The following CUL3 variants were observed in gnomAD, a reference collection of about 807,000 sequenced individuals.
CUL3 encodes cullin 3, also known as cullin-3.
CUL3 carries 19 observed loss-of-function variants against 89.1 expected under a neutral mutation model. That is an observed-to-expected ratio of 0.21 (90% CI 0.15 to 0.31). The LOEUF is 0.31. Among genes scored for constraint, CUL3 ranks in the 10% least tolerant of loss-of-function variants. The pLI is 1.00. For synonymous variants in CUL3, 351 were observed against 308.4 expected, an observed-to-expected ratio of 1.14 and a Z score of -1.45; for missense variants, 469 against 942.3, an observed-to-expected ratio of 0.50 and a Z score of 6.58.
intron 1 of CUL3, among the ~76,000 whole-genome samples, chr2:224,582,875 G>T (rs1695474659): frequency 6.6e-6 from 1 of 152,172 alleles, no homozygotes; most frequent in African/African-American, 2.4e-5. Flanking sequence ...CAAATTAAAT[G>T]ATGGCAAAAC....
rs971340704 is a variant in CUL3, at chr2:224,471,528, A to C, written c.*2717T>G. The C allele has an allele frequency of 3.1e-5, 6 of 194,858 alleles. No individual in the cohort carries two copies. The highest frequency in any genetic ancestry group is 5.3e-5 in the Non-Finnish European group (5 of 93,672). The allele number at this position is 194,858 out of a possible 1,614,324, so 12.1% of individuals were successfully genotyped here. A position where few individuals can be genotyped will look rare whatever the true frequency, so the allele number is the denominator to read the frequency against. On this transcript the variant is annotated 3_prime_UTR_variant, in exon 16 of 16. Transcript: ENST00000264414. ...TCAACAGTGCTTCACTATGAGAAGGATTCTTACAGAGAAGGCCTATCATCA... is the reference window on the plus strand; with the variant it reads ...TCAACAGTGCTTCACTATGAGAAGGCTTCTTACAGAGAAGGCCTATCATCA...
chr2:224,534,378 T>C (rs1379107636), intron 3 of CUL3, among the ~76,000 whole-genome samples: 1 of 152,188 alleles, frequency 6.6e-6, no homozygotes, highest in Non-Finnish European at 1.5e-5. Flanking sequence ...CTAGCTGCAA[T>C]ATTGCACTGC....
At chr2:224,523,454 G>A (rs533995251) in intron 3 of CUL3, among the ~76,000 whole-genome samples, 8 of 150,918 alleles carry the variant, frequency 5.3e-5, no homozygotes, top group Admixed American at 2.0e-4. Context: ...TAGAGCTCTC[G>A]TGCACTGTTG....
rs565200989 is a variant in CUL3 at position 224,564,130 on chromosome 2, A to T, written c.67-6274T>A. Among the ~76,000 whole-genome samples, 15 of 152,268 alleles carry T rather than the reference A, an allele frequency of 9.9e-5. No homozygotes were observed. In the East Asian group the frequency reaches 1.9e-3, roughly 20 times the overall value. On this transcript the variant is annotated intron_variant, in intron 1 of 15. Coordinates refer to ENST00000264414, the MANE Select transcript of CUL3 (RefSeq NM_003590.5). ...ATGAAACTCCATCTCTACTAAAAATATAAAAATTAGATGAGTGCAGTGGCA... is the reference window on the plus strand; with the variant it reads ...ATGAAACTCCATCTCTACTAAAAATTTAAAAATTAGATGAGTGCAGTGGCA...
intron 3 of CUL3, among the ~76,000 whole-genome samples, chr2:224,527,672 T>C (rs1023136316): frequency 2.6e-5 from 4 of 152,212 alleles, no homozygotes; most frequent in Non-Finnish European, 2.9e-5. Flanking sequence ...AACTCTGGCA[T>C]TGAAGATCAT....
intron 10 of CUL3, among the ~76,000 whole-genome samples, chr2:224,501,379 T>C (rs1179685718): frequency 1.3e-5 from 2 of 152,250 alleles, no homozygotes; most frequent in Non-Finnish European, 2.9e-5. Flanking sequence ...ACTTCTATGC[T>C]AGTATCAACT....
At chr2:224,505,758 T>G in intron 8 of CUL3, 198 bp downstream of exon 8, 1 of 307,974 alleles carries the variant, frequency 3.2e-6, no homozygotes, top group Admixed American at 5.0e-5. Flanking sequence ...TTGAAGCCAA[T>G]TACACATTAA....
At chr2:224,476,343 T>C (rs1384546967) in intron 15 of CUL3, among the ~76,000 whole-genome samples, 2 of 152,200 alleles carry the variant, frequency 1.3e-5, no homozygotes, top group Non-Finnish European at 2.9e-5. Flanking sequence ...CTATAGCTGC[T>C]TTCATGCTAC....
intron 1 of CUL3, among the ~76,000 whole-genome samples, chr2:224,584,050 C>G (rs970809666): frequency 1.3e-5 from 2 of 152,172 alleles, no homozygotes; most frequent in African/African-American, 4.8e-5. Context: ...TAATTGCTTG[C>G]CACGGGGAAG....
chr2:224,478,248 C>G lies in CUL3; in HGVS notation c.2127G>C (p.Arg709=), dbSNP rs762339416. The part of the protein sequence containing the change: ...RKHEIEAAIV[R]IMKSRKKMQH... The stretch of plus-strand genomic sequence containing the variant: ...GCATCTTCTTTCTAGATTTCATTAT[C>G]CGCACTATAGCAGCTTCTATCTCAT... The change falls in exon 15 of 16, where the codon CGG becomes CGC. Residue 709 remains arginine (R), a synonymous_variant. Transcript: ENST00000264414. The G allele has an allele frequency of 3.1e-6, 5 of 1,613,462 alleles. No homozygotes were observed. Among genetic ancestry groups the G allele is most frequent in the Non-Finnish European group, 3.4e-6 (4 of 1,179,626 alleles).
intron 3 of CUL3, among the ~76,000 whole-genome samples, chr2:224,525,989 T>C (rs1693458792): frequency 6.6e-6 from 1 of 152,310 alleles, no homozygotes; most frequent in South Asian, 2.1e-4. Flanking sequence ...ACAAAGTATG[T>C]GTTCTATGGT....
In CUL3 at chr2:224,473,976, T is replaced by A. The variant is rs986228251; in HGVS notation, c.*269A>T. On this transcript the variant is annotated 3_prime_UTR_variant, in exon 16 of 16. Coordinates refer to ENST00000264414, the MANE Select transcript of CUL3 (RefSeq NM_003590.5). Reference sequence around the variant, plus strand: ...TTTCTCTTTTATTTTCCTGTTTTCATACAGTAAAGAAAACAAAACGCAGCA... The same window carrying A: ...TTTCTCTTTTATTTTCCTGTTTTCAAACAGTAAAGAAAACAAAACGCAGCA... 6.9e-6 allele frequency: 2 copies of A among 289,318 alleles called. No homozygotes were observed. The highest frequency in any genetic ancestry group is 4.3e-5 in the African/African-American group (2 of 46,722). 17.9% of individuals were successfully genotyped at this position (289,318 alleles called of 1,614,324 possible).
chr2:224,584,347 A>C (rs1251540169), intron 1 of CUL3, among the ~76,000 whole-genome samples: 2 of 152,096 alleles, frequency 1.3e-5, no homozygotes, highest in Non-Finnish European at 2.9e-5. Context: ...AGTGCTTAGG[A>C]AGCTTGTAGG....
intron 3 of CUL3, among the ~76,000 whole-genome samples, chr2:224,529,760 C>CAT: frequency 6.6e-6 from 1 of 152,278 alleles, no homozygotes; most frequent in South Asian, 2.1e-4. Context: ...CCACATGTTC[C>CAT]ATCAAGAGAG....
intron 3 of CUL3, among the ~76,000 whole-genome samples, chr2:224,526,602 A>G (rs987716042): frequency 4.1e-4 from 61 of 150,528 alleles, no homozygotes; most frequent in Non-Finnish European, 7.0e-4. Context: ...AAAAAAAAAA[A>G]AAAAAAAAAG....
intron 10 of CUL3, 113 bp downstream of exon 10, chr2:224,502,852 T>C: frequency 2.8e-6 from 2 of 712,056 alleles, no homozygotes; most frequent in Non-Finnish European, 4.9e-6. Context: ...AAAACACATG[T>C]TGTCACTAAT....
At chr2:224,569,076 C>T (rs1324496324) in intron 1 of CUL3, among the ~76,000 whole-genome samples, 1 of 152,104 alleles carries the variant, frequency 6.6e-6, no homozygotes, top group Non-Finnish European at 1.5e-5. Context: ...TTTAAAGGCT[C>T]TAACTTTATG....
At chr2:224,547,029 A>G (rs1431857169) in intron 2 of CUL3, among the ~76,000 whole-genome samples, 1 of 152,202 alleles carries the variant, frequency 6.6e-6, no homozygotes, top group Non-Finnish European at 1.5e-5. Context: ...CCCAAAAAGC[A>G]TAATGGGTTG....
At chr2:224,535,057 T>TAAATAAAG (rs1272816520) in intron 3 of CUL3, among the ~76,000 whole-genome samples, 7 of 144,884 alleles carry the variant, frequency 4.8e-5, no homozygotes, top group Non-Finnish European at 7.6e-5. Context: ...AATAAATAAA[T>TAAATAAAG]AAAGATTTTT....
Sources: allele counts gnomAD v4.1 joint callset (sites outside exome capture counted in the v4.1 genomes callset), GRCh38; gene constraint gnomAD v4.1.1; transcripts MANE v1.5; gene names NCBI Gene and HGNC (gene_info 2026-07-23, HGNC 2026-07-21).